The following FAF1 variants were observed in gnomAD, a reference collection of about 807,000 sequenced individuals.
FAF1 encodes the protein FAS-associated factor 1.
In FAF1, 25 loss-of-function variants were observed where a neutral mutation model predicts 92.5. The ratio of observed to expected loss-of-function variants is 0.27; its 90% CI spans 0.20 to 0.38. FAF1 has a LOEUF of 0.38. FAF1 is among the 10% of genes least tolerant of loss of function. The pLI is 1.00. For synonymous variants in FAF1, 234 were observed against 273.2 expected (o/e 0.86, Z 1.42); for missense variants, 636 against 793.3 (o/e 0.80, Z 2.38).
At chr1:50,759,678 G>A (rs1660242289) in intron 4 of FAF1, among the ~76,000 whole-genome samples, 1 of 152,154 alleles carries the variant, frequency 6.6e-6, no homozygotes, top group African/African-American at 2.4e-5. Flanking sequence ...GTAATGGGAT[G>A]GCTGGGTCAA....
intron 6 of FAF1, among the ~76,000 whole-genome samples, chr1:50,723,933 G>C (rs1045276404): frequency 6.6e-6 from 1 of 151,998 alleles, no homozygotes; most frequent in African/African-American, 2.4e-5. Context: ...ATTTTTAGTA[G>C]AGATGGGGTT....
Position 50,788,015 on chromosome 1 carries a change from C to G in FAF1, c.352G>C (p.Asp118His). The G allele has an allele frequency of 6.2e-7, 1 of 1,613,942 alleles. No individual in the cohort carries two copies. Among genetic ancestry groups the G allele is most frequent in the Non-Finnish European group, 8.5e-7 (1 of 1,179,878 alleles). Residue 118 changes from aspartate (D) to histidine (H), a missense_variant, in exon 4 of 19, where the codon GAC (aspartate) becomes CAC (histidine). Asp to His is a moderately conservative substitution (Grantham distance 81, BLOSUM62 -1). Coordinates refer to ENST00000396153, the MANE Select transcript of FAF1 (RefSeq NM_007051.3). Reference protein sequence around the residue: ...RDRNVDVVLEDTCTVGEIKQI... With the variant: ...RDRNVDVVLEHTCTVGEIKQI... Reference sequence around the variant, plus strand: ...AAAACCTTACCAACAGTACAGGTGTCTTCAAGTACCACATCAACATTTCTG... The same window carrying G: ...AAAACCTTACCAACAGTACAGGTGTGTTCAAGTACCACATCAACATTTCTG...
At chr1:50,640,826 C>A (rs1384828826) in intron 8 of FAF1, among the ~76,000 whole-genome samples, 1 of 107,258 alleles carries the variant, frequency 9.3e-6, no homozygotes, top group East Asian at 3.0e-4. Flanking sequence ...AGTTTATCAG[C>A]TGATTTTTTT....
At chr1:50,826,554 A>C (rs893495866) in intron 2 of FAF1, among the ~76,000 whole-genome samples, 2 of 151,978 alleles carry the variant, frequency 1.3e-5, no homozygotes, top group Non-Finnish European at 2.9e-5. Flanking sequence ...CCGTCTCAAA[A>C]AAAAAAAAAA....
Position 50,846,937 on chromosome 1 carries a change from TAAGAG to T in FAF1, c.114+10987_114+10991del, listed in dbSNP as rs1644306594. ...GTTTACAAGCTTGGCCTTTTATATATAAGAGTGTATTGCAGGTGCTGTTTGATTTT... is the reference window on the plus strand; with the variant it reads ...GTTTACAAGCTTGGCCTTTTATATATTGTATTGCAGGTGCTGTTTGATTTT... On this transcript the variant is annotated intron_variant, in intron 2 of 18. Transcript: ENST00000396153. The T allele has an allele frequency of 3.7e-5, 11 of 298,650 alleles. No individual in the cohort carries two copies. The South Asian group carries it at 3.9e-4, about 10-fold the overall frequency. The allele number at this position is 298,650 out of a possible 1,614,324, so 18.5% of individuals were successfully genotyped here. A position where few individuals can be genotyped will look rare whatever the true frequency, so the allele number is the denominator to read the frequency against.
At chr1:50,448,969 G>C (rs1179023163) in intron 18 of FAF1, among the ~76,000 whole-genome samples, 1 of 145,252 alleles carries the variant, frequency 6.9e-6, no homozygotes, top group Non-Finnish European at 1.5e-5. Flanking sequence ...AGTCTGTTTG[G>C]TCTTGATTAA....
chr1:50,925,533 A>G (rs1015232849), intron 1 of FAF1, among the ~76,000 whole-genome samples: 1 of 152,204 alleles, frequency 6.6e-6, no homozygotes, highest in Admixed American at 6.5e-5. Context: ...ACGAAGACAT[A>G]GAAATGGCCA....
At chr1:50,486,318 T>G (rs1045633829) in intron 17 of FAF1, among the ~76,000 whole-genome samples, 3 of 152,232 alleles carry the variant, frequency 2.0e-5, no homozygotes, top group Non-Finnish European at 2.9e-5. Context: ...TCAGGCCTTT[T>G]AGCCATAGCT....
chr1:50,467,907 T>C (rs1646518513), intron 18 of FAF1, among the ~76,000 whole-genome samples: 1 of 152,166 alleles, frequency 6.6e-6, no homozygotes, highest in African/African-American at 2.4e-5. Flanking sequence ...AATGAATACA[T>C]ATATCAAAAT....
At chr1:50,899,417 C>T (rs1557580823) in intron 1 of FAF1, among the ~76,000 whole-genome samples, 1 of 152,028 alleles carries the variant, frequency 6.6e-6, no homozygotes, top group Admixed American at 6.6e-5. Context: ...TTGATTGGGT[C>T]CAAATACTGT....
At chr1:50,884,285 C>A (rs899898084) in intron 1 of FAF1, among the ~76,000 whole-genome samples, 1 of 151,688 alleles carries the variant, frequency 6.6e-6, no homozygotes, top group East Asian at 1.9e-4. Context: ...GAGGCCGAGG[C>A]GGATGGATCA....
intron 13 of FAF1, among the ~76,000 whole-genome samples, chr1:50,542,128 T>A (rs1648786787): frequency 1.3e-5 from 2 of 152,198 alleles, no homozygotes; most frequent in African/African-American, 4.8e-5. Context: ...TGACACTTTA[T>A]GGTAGCCTTA....
intron 12 of FAF1, among the ~76,000 whole-genome samples, chr1:50,569,557 G>A (rs1203946359): frequency 6.6e-6 from 1 of 152,170 alleles, no homozygotes; most frequent in Admixed American, 6.6e-5. Flanking sequence ...TGAACAGACA[G>A]AGGGATGTCA....
intron 13 of FAF1, 39 bp downstream of exon 13, chr1:50,567,038 A>T: frequency 1.4e-6 from 2 of 1,457,992 alleles, no homozygotes; most frequent in Non-Finnish European, 1.8e-6. Flanking sequence ...TTTTTTTTTA[A>T]TAGAAGCCCA....
At chr1:50,731,524 C>A (rs868157633) in intron 6 of FAF1, among the ~76,000 whole-genome samples, 4 of 152,068 alleles carry the variant, frequency 2.6e-5, no homozygotes, top group African/African-American at 7.2e-5. Flanking sequence ...CACCTGCCAC[C>A]ACACCTGGCT....
intron 12 of FAF1, among the ~76,000 whole-genome samples, chr1:50,579,527 TAAC>T (rs1446500951): frequency 6.6e-6 from 1 of 152,146 alleles, no homozygotes; most frequent in African/African-American, 2.4e-5. Flanking sequence ...TGTTTAAATA[TAAC>T]AACATGGCCA....
At chr1:50,837,944 C>G (rs139171518) in intron 2 of FAF1, among the ~76,000 whole-genome samples, 1 of 151,844 alleles carries the variant, frequency 6.6e-6, no homozygotes, top group South Asian at 2.1e-4. Flanking sequence ...GGGGTTTCAC[C>G]GTGTTAGCCA....
intron 2 of FAF1, among the ~76,000 whole-genome samples, chr1:50,829,952 G>A (rs1467012208): frequency 6.6e-6 from 1 of 152,156 alleles, no homozygotes; most frequent in African/African-American, 2.4e-5. Context: ...TGGCATGCAG[G>A]TACCACCTAA....
At chr1:50,821,285 T>C (rs1194341304) in intron 2 of FAF1, among the ~76,000 whole-genome samples, 3 of 152,196 alleles carry the variant, frequency 2.0e-5, no homozygotes, top group Non-Finnish European at 4.4e-5. Flanking sequence ...AATTCAGTTA[T>C]ATCAAACTCC....
Sources: gnomAD v4.1 joint callset for allele counts (sites outside exome capture counted in the v4.1 genomes callset) on GRCh38, gnomAD v4.1.1 for gene constraint, MANE v1.5 for transcripts, NCBI Gene and HGNC (gene_info 2026-07-23, HGNC 2026-07-21) for gene names.